Variants in FRMPD3 observed in about 807,000 individuals in gnomAD.
FRMPD3 encodes FERM and PDZ domain-containing protein 3.
In FRMPD3, 42 loss-of-function variants were observed where a neutral mutation model predicts 97.9. The observed-to-expected ratio is 0.43, with a 90% CI of 0.34 to 0.55. The LOEUF (loss-of-function observed/expected upper bound fraction) is 0.55. Among genes scored for constraint, FRMPD3 ranks in the 20% least tolerant of loss-of-function variants. FRMPD3 has a pLI of 0.03. For missense variants in FRMPD3, 1,303 were observed against 1,457.7 expected (o/e 0.89, Z 1.73); for synonymous variants, 577 against 581.1 (o/e 0.99, Z 0.10).
rs746887727 is a variant in FRMPD3, at chrX:107,602,475, C to T, written c.4436C>T (p.Pro1479Leu). The change falls in exon 15 of 15, where the codon CCT becomes CTT. Residue 1479 changes from proline to leucine, a missense_variant. By Grantham distance (98) the Pro-to-Leu change is moderately conservative (BLOSUM62 -3). Around this residue, in one of 3 missense-constraint regions of FRMPD3, gnomAD observed 764 missense variants for 820.2 expected, o/e 0.93. Coordinates refer to ENST00000683843, the MANE Select transcript of FRMPD3 (RefSeq NM_001388459.1). Reference sequence around the variant, plus strand: ...CTGCCCGAGGAGGTGTACCGGAAGCCTGCCGAGCTAGACGAGGACAGTGAG... The same window carrying T: ...CTGCCCGAGGAGGTGTACCGGAAGCTTGCCGAGCTAGACGAGGACAGTGAG... ...FSLPEEVYRK[P>L]AELDEDSESS... 4 of 1,211,523 alleles carry T rather than the reference C, an allele frequency of 3.3e-6. No homozygotes were observed. The highest frequency in any genetic ancestry group is 3.5e-5 in the South Asian group (2 of 57,032).
chrX:107,583,157 T>C (rs981226510), intron 13 of FRMPD3, among the ~76,000 whole-genome samples: 10 of 109,190 alleles, frequency 9.2e-5, no homozygotes, highest in Admixed American at 3.0e-4. Context: ...ATGTGCAGAA[T>C]GTGCAGGTTT....
At chrX:107,565,185 G>A in intron 12 of FRMPD3, 119 bp downstream of exon 12, 1 of 709,332 alleles carries the variant, frequency 1.4e-6, no homozygotes, top group South Asian at 3.0e-5. Context: ...TTCTGAAGTG[G>A]TTCAACCCTG....
rs773167380 is a variant in FRMPD3, at chrX:107,546,972, T to C, written c.402+1131T>C. Reference sequence around the variant, plus strand: ...GACTCTCATTCCCAAACTCAGTCTATGCCCTCCTCCATCTCTGCATGAGGA... The same window carrying C: ...GACTCTCATTCCCAAACTCAGTCTACGCCCTCCTCCATCTCTGCATGAGGA... On this transcript the variant is annotated intron_variant, in intron 5 of 14. Coordinates refer to ENST00000683843, the MANE Select transcript of FRMPD3 (RefSeq NM_001388459.1). 4.5e-5 allele frequency among the ~76,000 whole-genome samples: 5 copies of C among 112,018 alleles called. No homozygotes were observed. In the East Asian group the frequency reaches 1.4e-3, roughly 32 times the overall value.
intron 1 of FRMPD3, among the ~76,000 whole-genome samples, chrX:107,510,710 A>G (rs1236027312): frequency 8.9e-6 from 1 of 112,311 alleles, no homozygotes; most frequent in East Asian, 2.8e-4. Flanking sequence ...AGATGCAATT[A>G]GGCAGAATAA....
intron 1 of FRMPD3, among the ~76,000 whole-genome samples, chrX:107,467,162 TGTC>T (rs2049372316): frequency 8.9e-6 from 1 of 112,195 alleles, no homozygotes. Context: ...AGAAGTCACT[TGTC>T]AGTGAGGAGA....
chrX:107,548,356 A>G (rs1385362648), intron 5 of FRMPD3, among the ~76,000 whole-genome samples: 1 of 112,435 alleles, frequency 8.9e-6, no homozygotes, highest in Non-Finnish European at 1.9e-5. Context: ...TAGAGGTTCA[A>G]TGAATGCCCA....
intron 1 of FRMPD3, among the ~76,000 whole-genome samples, chrX:107,505,429 C>A (rs1042758274): frequency 1.8e-5 from 2 of 112,164 alleles, no homozygotes; most frequent in African/African-American, 6.5e-5. Flanking sequence ...AGGTGCCCTG[C>A]TTCTAGCACA....
intron 4 of FRMPD3, among the ~76,000 whole-genome samples, chrX:107,537,821 C>A (rs766341158): frequency 3.6e-5 from 4 of 111,723 alleles, no homozygotes; most frequent in Non-Finnish European, 7.5e-5. Flanking sequence ...TGCCTACTCC[C>A]AAAAATTTAT....
intron 1 of FRMPD3, among the ~76,000 whole-genome samples, chrX:107,478,590 T>A (rs1194939438): frequency 8.9e-6 from 1 of 111,784 alleles, no homozygotes; most frequent in African/African-American, 3.3e-5. Flanking sequence ...AAGCATCTGG[T>A]CCAGGGTGTT....
At chrX:107,491,497 G>A (rs1052526213) in intron 1 of FRMPD3, among the ~76,000 whole-genome samples, 3 of 112,431 alleles carry the variant, frequency 2.7e-5, no homozygotes, top group Non-Finnish European at 5.6e-5. Context: ...CTAGTGAGTA[G>A]CAGAGCTGGG....
intron 1 of FRMPD3, among the ~76,000 whole-genome samples, chrX:107,480,909 AAAG>A (rs1183841172): frequency 2.1e-5 from 2 of 97,443 alleles, no homozygotes; most frequent in South Asian, 9.6e-4. Flanking sequence ...AGAAAGAAAG[AAAG>A]AAAGAAAGAA....
rs139614880 is a variant in FRMPD3, at chrX:107,458,729, G to A, written c.-8+8724G>A. Among the ~76,000 whole-genome samples, 322 of 111,530 alleles carry A rather than the reference G, an allele frequency of 2.9e-3. 1 individual carries two copies. Among genetic ancestry groups the A allele is most frequent in the African/African-American group, 0.01 (310 of 30,674 alleles). ...ACTTGGGTAAACCTTGGGGGCTGTC[G>A]GACAATTATGCATAGTGATTCAGGA... is the stretch of plus-strand genomic sequence containing the variant. On this transcript the variant is annotated intron_variant, in intron 1 of 14. Transcript: ENST00000683843.
intron 1 of FRMPD3, among the ~76,000 whole-genome samples, chrX:107,450,775 GTGTA>G: frequency 9.0e-6 from 1 of 110,892 alleles, no homozygotes; most frequent in Admixed American, 9.5e-5. Context: ...GAGTGTGTGT[GTGTA>G]TGTGAGTGTG....
chrX:107,545,438 A>G (rs764966268), intron 4 of FRMPD3: 4 of 178,311 alleles, frequency 2.2e-5, no homozygotes, highest in Middle Eastern at 2.0e-3. Flanking sequence ...CAAATATATA[A>G]AAACTCAATG....
At chrX:107,533,693 A>G in intron 4 of FRMPD3, 143 bp downstream of exon 4, 1 of 522,371 alleles carries the variant, frequency 1.9e-6, no homozygotes, top group Admixed American at 2.9e-5. Flanking sequence ...GAACTTAAAG[A>G]ATACCTTCTG....
intron 4 of FRMPD3, among the ~76,000 whole-genome samples, chrX:107,536,038 T>A (rs987172088): frequency 1.8e-5 from 2 of 111,924 alleles, no homozygotes; most frequent in African/African-American, 6.5e-5. Flanking sequence ...TACATTTCCC[T>A]AATTTTATTT....
At chrX:107,497,743 C>G (rs1921809347) in intron 1 of FRMPD3, among the ~76,000 whole-genome samples, 1 of 112,446 alleles carries the variant, frequency 8.9e-6, no homozygotes, top group African/African-American at 3.2e-5. Context: ...AATGCTCAGT[C>G]TGTTGCTATG....
chrX:107,554,604 C>T (rs1922000992), intron 8 of FRMPD3, 100 bp downstream of exon 8: 2 of 1,044,791 alleles, frequency 1.9e-6, no homozygotes, highest in Non-Finnish European at 1.3e-6. Context: ...TTTTTCCAAC[C>T]TCCAGGTAGC....
At chrX:107,534,991 T>C (rs996836948) in intron 4 of FRMPD3, among the ~76,000 whole-genome samples, 1 of 112,279 alleles carries the variant, frequency 8.9e-6, no homozygotes, top group Admixed American at 9.4e-5. Flanking sequence ...CTTTGCTGCA[T>C]GTGTGCAGTT....
Sources: gnomAD v4.1 joint callset for allele counts (sites outside exome capture counted in the v4.1 genomes callset) on GRCh38, gnomAD v4.1.1 for gene constraint, gnomAD v4.1.1 regional missense constraint, MANE v1.5 for transcripts, NCBI Gene and HGNC (gene_info 2026-07-23, HGNC 2026-07-21) for gene names.